MCTP1: variants seen among roughly 807,000 people sequenced by gnomAD.
The protein encoded by MCTP1 is multiple C2 and transmembrane domain-containing protein 1.
MCTP1 carries 69 observed loss-of-function variants against 120.6 expected under a neutral mutation model. That is an observed-to-expected ratio of 0.57 (90% CI 0.47 to 0.70). The LOEUF is 0.70. Ranked by LOEUF, MCTP1 falls within the 30% of genes least tolerant of loss-of-function variation. The pLI is 0.00. For synonymous variants in MCTP1, 529 were observed against 493.1 expected, an observed-to-expected ratio of 1.07 and a Z score of -0.96; for missense variants, 1,203 against 1,248.8, an observed-to-expected ratio of 0.96 and a Z score of 0.55.
chr5:95,150,578 T>C (rs1051622089), intron 1 of MCTP1, among the ~76,000 whole-genome samples: 3 of 152,242 alleles, frequency 2.0e-5, no homozygotes, highest in African/African-American at 7.2e-5. Flanking sequence ...AAATCCAGTT[T>C]ATGAATACAT....
In MCTP1 at chr5:95,284,303, G is replaced by T. The variant is rs1471986297; in HGVS notation, c.273C>A (p.Val91=). 1 of 1,597,452 alleles carries T rather than the reference G, an allele frequency of 6.3e-7. No individual in the cohort carries two copies. Among genetic ancestry groups the T allele is most frequent in the Non-Finnish European group, 8.5e-7 (1 of 1,179,166 alleles). The change falls in exon 1 of 23, where the codon GTC becomes GTA. Residue 91 remains valine (V), a synonymous_variant. Transcript: ENST00000515393. This position sits in a 1 kb window ranked among gnomAD's most constrained non-coding sequence, Gnocchi z 5.2. ...FKKRKQVLDR[V]FSSSQPNLCC... is the part of the protein sequence containing the mutation. ...ACAGGTTGGGCTGCGAGGAGGAGAA[G>T]ACTCGGTCCAGCACTTGCTTCCGCT... is the stretch of plus-strand genomic sequence containing the variant.
chr5:95,264,618 C>G (rs908300514), intron 1 of MCTP1, among the ~76,000 whole-genome samples: 2 of 152,198 alleles, frequency 1.3e-5, no homozygotes, highest in East Asian at 3.9e-4. Flanking sequence ...CTCCCACTCT[C>G]AGCCCACAGT....
chr5:95,121,053 C>T (rs891819301), intron 1 of MCTP1, among the ~76,000 whole-genome samples: 32 of 151,938 alleles, frequency 2.1e-4, no homozygotes, highest in African/African-American at 7.3e-4. Flanking sequence ...CCAAGGTGGG[C>T]GGATCACGAA....
chr5:95,173,741 G>A lies in MCTP1; in HGVS notation c.720+110115C>T, dbSNP rs569919969. ...AGAGACAAGAATCATCAGACATTTA[G>A]GGAAAGCCACCAACATAAAAGAGAC... On this transcript the variant is annotated intron_variant, in intron 1 of 22. Transcript: ENST00000515393. Among the ~76,000 whole-genome samples the A allele has an allele frequency of 4.0e-5, 6 of 151,878 alleles. 1 individual carries two copies. The highest frequency in any genetic ancestry group is 3.9e-4 in the Admixed American group (6 of 15,230).
intron 1 of MCTP1, among the ~76,000 whole-genome samples, chr5:95,225,344 A>G (rs924806044): frequency 3.3e-5 from 5 of 152,188 alleles, no homozygotes; most frequent in Non-Finnish European, 5.9e-5. Flanking sequence ...ATGTTAGAAT[A>G]ATTCAGCTGA....
chr5:95,228,401 TA>T (rs1468124048), intron 1 of MCTP1, among the ~76,000 whole-genome samples: 11 of 150,602 alleles, frequency 7.3e-5, no homozygotes, highest in South Asian at 2.1e-4. Context: ...GAGAGAAACG[TA>T]AAAGTTATCC....
At chr5:94,870,245 G>A (rs1027472710) in intron 16 of MCTP1, among the ~76,000 whole-genome samples, 172 bp downstream of exon 16, 1 of 152,038 alleles carries the variant, frequency 6.6e-6, no homozygotes, top group Non-Finnish European at 1.5e-5. Flanking sequence ...TTAAAGAAAG[G>A]AAGGAAGAAA....
chr5:94,834,453 A>G (rs370925638), intron 17 of MCTP1, among the ~76,000 whole-genome samples: 1 of 152,214 alleles, frequency 6.6e-6, no homozygotes, highest in East Asian at 1.9e-4. Flanking sequence ...TCTGATTCCC[A>G]AGGCACAAGC....
intron 2 of MCTP1, among the ~76,000 whole-genome samples, chr5:94,994,398 A>G (rs940806554): frequency 6.6e-6 from 1 of 152,198 alleles, no homozygotes; most frequent in Non-Finnish European, 1.5e-5. Context: ...AGTGTGATCA[A>G]AACTCTTAGG....
chr5:95,009,778 T>A (rs1289775598), intron 2 of MCTP1, among the ~76,000 whole-genome samples: 4 of 152,118 alleles, frequency 2.6e-5, no homozygotes. Context: ...CTACCAAAGA[T>A]CACGTACTTT....
intron 1 of MCTP1, among the ~76,000 whole-genome samples, chr5:95,278,359 G>A (rs560230718): frequency 1.1e-3 from 162 of 152,266 alleles, no homozygotes; most frequent in South Asian, 4.8e-3. Context: ...AATGACTTGA[G>A]AAAAAGGTGC....
chr5:95,172,299 A>G lies in MCTP1; in HGVS notation c.720+111557T>C, dbSNP rs1382945378. On this transcript the variant is annotated intron_variant, in intron 1 of 22. Transcript: ENST00000515393. ...TCTCAGAGGGGTACCTGGCCGTGTG[A>G]GGTGTCAGTCTGCCCCTACTGGGGG... is the stretch of plus-strand genomic sequence containing the variant. Among the ~76,000 whole-genome samples the G allele has an allele frequency of 2.6e-5, 4 of 152,296 alleles. No homozygotes were observed. In the East Asian group the frequency reaches 7.7e-4, roughly 29 times the overall value.
chr5:95,192,215 A>G (rs1169025688), intron 1 of MCTP1, among the ~76,000 whole-genome samples: 1 of 152,006 alleles, frequency 6.6e-6, no homozygotes, highest in Non-Finnish European at 1.5e-5. Context: ...CATGTTTTTG[A>G]GTAAGTTTTT....
At chr5:95,111,407 A>G (rs1417955420) in intron 1 of MCTP1, among the ~76,000 whole-genome samples, 9 of 152,208 alleles carry the variant, frequency 5.9e-5, no homozygotes, top group Non-Finnish European at 1.3e-4. Context: ...TAAATGAATA[A>G]GTACAGAGTC....
intron 2 of MCTP1, among the ~76,000 whole-genome samples, chr5:94,989,857 G>C (rs1420528225): frequency 6.6e-6 from 1 of 152,148 alleles, no homozygotes; most frequent in African/African-American, 2.4e-5. Context: ...AGTTTGGAGA[G>C]CTTCTGGGTT....
At chr5:95,008,096 T>G (rs1366399670) in intron 2 of MCTP1, among the ~76,000 whole-genome samples, 1 of 152,294 alleles carries the variant, frequency 6.6e-6, no homozygotes, top group African/African-American at 2.4e-5. Flanking sequence ...CTAGGCAAGC[T>G]GAGACTAGTT....
intron 19 of MCTP1, among the ~76,000 whole-genome samples, chr5:94,750,877 C>T (rs181852937): frequency 5.3e-5 from 8 of 152,214 alleles, no homozygotes; most frequent in African/African-American, 7.2e-5. Flanking sequence ...TGAAGGCCAT[C>T]GATGCTGCCA....
intron 17 of MCTP1, among the ~76,000 whole-genome samples, chr5:94,824,146 GC>G (rs1290118621): frequency 2.0e-5 from 3 of 152,186 alleles, no homozygotes; most frequent in Non-Finnish European, 4.4e-5. Flanking sequence ...AATTCTTCCA[GC>G]TTTTGCCCAT....
intron 2 of MCTP1, among the ~76,000 whole-genome samples, chr5:94,974,885 C>T (rs1827751186): frequency 6.6e-6 from 1 of 152,080 alleles, no homozygotes; most frequent in African/African-American, 2.4e-5. Flanking sequence ...GATTAAAATA[C>T]ATCACAAATG....
Sources: allele counts gnomAD v4.1 joint callset (sites outside exome capture counted in the v4.1 genomes callset), GRCh38; gene constraint gnomAD v4.1.1; non-coding constraint Gnocchi (gnomAD v3.1); transcripts MANE v1.5; gene names NCBI Gene and HGNC (gene_info 2026-07-23, HGNC 2026-07-21).